The following SUGP1 variants were observed in gnomAD, a reference collection of about 807,000 sequenced individuals.
SUGP1 encodes SURP and G-patch domain-containing protein 1.
In SUGP1, 34 loss-of-function variants were observed where a neutral mutation model predicts 76.5. That is an observed-to-expected ratio of 0.44 (90% CI 0.34 to 0.59). The LOEUF (loss-of-function observed/expected upper bound fraction) is 0.59. SUGP1 is among the 20% of genes least tolerant of loss of function. SUGP1 has a pLI of 0.01. For missense variants in SUGP1, 752 were observed against 851.7 expected (o/e 0.88, Z 1.46); for synonymous variants, 326 against 326.2 (o/e 1.00, Z 0.01).
chr19:19,308,962 G>A (rs968195609), intron 3 of SUGP1, among the ~76,000 whole-genome samples: 2 of 152,062 alleles, frequency 1.3e-5, no homozygotes, highest in Non-Finnish European at 2.9e-5. Context: ...CACCTCCTGG[G>A]TTCAACCGAT....
intron 2 of SUGP1, 47 bp downstream of exon 2, chr19:19,316,375 T>G: frequency 6.2e-7 from 1 of 1,607,996 alleles, no homozygotes; most frequent in South Asian, 1.1e-5. Context: ...CTGGTGACCC[T>G]CAAAGACTCA....
chr19:19,300,105 TTGCTC>T (rs1399603519), intron 7 of SUGP1, among the ~76,000 whole-genome samples: 1 of 149,782 alleles, frequency 6.7e-6, no homozygotes, highest in African/African-American at 2.5e-5. Context: ...AGATGGAGTC[TTGCTC>T]TGTCACCCAG....
intron 1 of SUGP1, among the ~76,000 whole-genome samples, chr19:19,318,725 T>C (rs2061413100): frequency 1.3e-5 from 2 of 152,160 alleles, no homozygotes; most frequent in Admixed American, 6.5e-5. Flanking sequence ...TCACCACACC[T>C]AGCCAATATC....
intron 3 of SUGP1, among the ~76,000 whole-genome samples, chr19:19,308,598 C>A (rs1194580983): frequency 6.6e-6 from 1 of 152,276 alleles, no homozygotes; most frequent in African/African-American, 2.4e-5. Context: ...CCGCAGCAGG[C>A]CCCAGAACCT....
At chr19:19,283,167 C>G (rs959838163) in intron 8 of SUGP1, among the ~76,000 whole-genome samples, 1 of 152,028 alleles carries the variant, frequency 6.6e-6, no homozygotes, top group Admixed American at 6.6e-5. Flanking sequence ...AAAACATATA[C>G]ACATTGCAGA....
intron 1 of SUGP1, among the ~76,000 whole-genome samples, chr19:19,319,366 G>A (rs1182174925): frequency 1.3e-5 from 2 of 152,074 alleles, no homozygotes; most frequent in East Asian, 3.9e-4. Flanking sequence ...CCCTCTGTGT[G>A]GAAGGCTCCA....
chr19:19,312,094 A>G lies in SUGP1; in HGVS notation c.207-1894T>C, dbSNP rs2061356897. Among the ~76,000 whole-genome samples, 4 of 152,154 alleles carry G rather than the reference A, an allele frequency of 2.6e-5. No homozygotes were observed. In the South Asian group the frequency reaches 8.3e-4, roughly 32 times the overall value. On this transcript the variant is annotated intron_variant, in intron 2 of 13. Coordinates refer to ENST00000247001, the MANE Select transcript of SUGP1 (RefSeq NM_172231.4). Reference sequence around the variant, plus strand: ...ATCTCTACGAACAAAACAAAAAATTAGCTGGGTGTGGTGGCGTGTGCCTAT... The same window carrying G: ...ATCTCTACGAACAAAACAAAAAATTGGCTGGGTGTGGTGGCGTGTGCCTAT...
At chr19:19,308,590 G>A (rs891247719) in intron 3 of SUGP1, among the ~76,000 whole-genome samples, 2 of 152,254 alleles carry the variant, frequency 1.3e-5, no homozygotes, top group Admixed American at 6.5e-5. Flanking sequence ...CACCTCAGCC[G>A]CAGCAGGCCC....
At chr19:19,316,739 G>T in intron 1 of SUGP1, 146 bp from the exon 2 acceptor site, 1 of 888,624 alleles carries the variant, frequency 1.1e-6, no homozygotes, top group Non-Finnish European at 1.7e-6. Flanking sequence ...CAGAGTGCCT[G>T]CTGCATACCA....
chr19:19,288,452 T>C (rs2061157806), intron 8 of SUGP1, among the ~76,000 whole-genome samples: 1 of 152,186 alleles, frequency 6.6e-6, no homozygotes, highest in African/African-American at 2.4e-5. Context: ...ATGTTACCAA[T>C]AAGGCTTCCG....
In SUGP1 at chr19:19,276,542, C is replaced by T. The variant is rs961252325; in HGVS notation, c.*106G>A. 29 of 1,398,542 alleles carry T rather than the reference C, an allele frequency of 2.1e-5. No individual in the cohort carries two copies. Among genetic ancestry groups the T allele is most frequent in the South Asian group, 4.9e-5 (4 of 81,654 alleles). 86.6% of individuals were successfully genotyped at this position (1,398,542 alleles called of 1,614,324 possible). A position where few individuals can be genotyped will look rare whatever the true frequency, so the allele number is the denominator to read the frequency against. On this transcript the variant is annotated 3_prime_UTR_variant, in exon 14 of 14. Transcript: ENST00000247001. Reference sequence around the variant, plus strand: ...GGATGAGCACTGGGACTTTATTACACGGCACGGCACTCGTGACAACGGAAG... The same window carrying T: ...GGATGAGCACTGGGACTTTATTACATGGCACGGCACTCGTGACAACGGAAG...
chr19:19,292,207 A>T (rs888926937), intron 8 of SUGP1, among the ~76,000 whole-genome samples: 3 of 142,058 alleles, frequency 2.1e-5, no homozygotes, highest in African/African-American at 7.9e-5. Flanking sequence ...TGGGAGGTGG[A>T]GGTTGCAGGG....
At position 19,306,191 on chromosome 19, in the gene SUGP1, T is replaced by C. The variant is rs548524667; in HGVS notation, c.311-115A>G. 3.5e-5 allele frequency: 36 copies of C among 1,035,098 alleles called. No homozygotes were observed. In the South Asian group the frequency reaches 6.3e-4, roughly 18 times the overall value. The allele number at this position is 1,035,098 out of a possible 1,614,324, so 64.1% of individuals were successfully genotyped here. A position where few individuals can be genotyped will look rare whatever the true frequency, so the allele number is the denominator to read the frequency against. On this transcript the variant is annotated intron_variant, in intron 3 of 13. Transcript: ENST00000247001. ...GAGCTGGGTCCTTGACTTCCAGAAC[T>C]CAGGGGCTCAGAGGAGGCCACCCTG...
At chr19:19,315,473 CACA>C (rs1196006651) in intron 2 of SUGP1, among the ~76,000 whole-genome samples, 1 of 152,214 alleles carries the variant, frequency 6.6e-6, no homozygotes, top group Non-Finnish European at 1.5e-5. Context: ...TCACCCTCAT[CACA>C]ACATCACCCC....
intron 3 of SUGP1, among the ~76,000 whole-genome samples, chr19:19,309,270 A>G (rs1196533725): frequency 6.6e-6 from 1 of 152,014 alleles, no homozygotes; most frequent in Non-Finnish European, 1.5e-5. Flanking sequence ...GGATTGCTTG[A>G]GCTTAGGAGT....
chr19:19,305,419 A>T (rs1265498265), intron 4 of SUGP1, among the ~76,000 whole-genome samples: 1 of 152,218 alleles, frequency 6.6e-6, no homozygotes, highest in African/African-American at 2.4e-5. Context: ...CCTGCAGCTC[A>T]TACCTCTGGC....
chr19:19,279,424 G>A (rs771703168), intron 9 of SUGP1, 34 bp from the exon 10 acceptor site: 22 of 1,558,470 alleles, frequency 1.4e-5, no homozygotes, highest in Middle Eastern at 2.3e-4. Flanking sequence ...GCCAGGGCAC[G>A]GTGCTGTGGC....
chr19:19,277,620 G>T, intron 12 of SUGP1, 114 bp downstream of exon 12: 1 of 1,367,882 alleles, frequency 7.3e-7, no homozygotes, highest in Non-Finnish European at 9.9e-7. Flanking sequence ...GGGGTGCTGT[G>T]ATCATTTTGC....
chr19:19,283,049 C>T (rs887237003), intron 8 of SUGP1, among the ~76,000 whole-genome samples: 3 of 150,442 alleles, frequency 2.0e-5, no homozygotes, highest in Admixed American at 1.3e-4. Flanking sequence ...TACACTCCAG[C>T]CTGGGCGACA....
Sources: gnomAD v4.1 joint callset for allele counts (sites outside exome capture counted in the v4.1 genomes callset) on GRCh38, gnomAD v4.1.1 for gene constraint, MANE v1.5 for transcripts, NCBI Gene and HGNC (gene_info 2026-07-23, HGNC 2026-07-21) for gene names.